Variants in PTH1R observed in about 807,000 individuals in gnomAD.
The protein encoded by PTH1R is parathyroid hormone 1 receptor, also known as parathyroid hormone/parathyroid hormone-related peptide receptor.
A neutral mutation model predicts 70.7 loss-of-function variants in PTH1R; 32 were observed. That is an observed-to-expected ratio of 0.45 (90% CI 0.34 to 0.61). The LOEUF is 0.61. Ranked by LOEUF, PTH1R falls within the 20% of genes least tolerant of loss-of-function variation. The pLI is 0.01. For synonymous variants in PTH1R, 329 were observed against 324.8 expected (o/e 1.01, Z -0.14); for missense variants, 626 against 792.5 (o/e 0.79, Z 2.52).
At chr3:46,895,982 G>C in intron 5 of PTH1R, 113 bp downstream of exon 5, 1 of 1,377,008 alleles carries the variant, frequency 7.3e-7, no homozygotes, top group Non-Finnish European at 1.0e-6. Context: ...AAAGTAAAAG[G>C]CTGCAGCCAC....
At position 46,901,826 on chromosome 3, in the gene PTH1R, A is replaced by C. The variant is rs200623614; in HGVS notation, c.1177A>C (p.Asn393His). ...RVLATKLRET[N>H]AGRCDTRQQY... ...GCTCGCCACCAAGCTGCGGGAGACC[A>C]ACGCCGGCCGGTGTGACACACGGCA... Residue 393 changes from asparagine to histidine, a missense_variant, in exon 13 of 16, where the codon AAC (asparagine) becomes CAC (histidine). Around this residue, in one of 3 missense-constraint regions of PTH1R, gnomAD observed 495 missense variants for 638.7 expected, o/e 0.77. Transcript: ENST00000449590. This position sits in a 1 kb window ranked among gnomAD's most constrained non-coding sequence, Gnocchi z 7.3. 6.2e-7 allele frequency: 1 copy of C among 1,613,996 alleles called. No homozygotes were observed. Among genetic ancestry groups the C allele is most frequent in the East Asian group, 2.2e-5 (1 of 44,870 alleles).
Position 46,897,917 on chromosome 3 carries a change from G to C in PTH1R, c.376G>C (p.Val126Leu). 1 of 1,614,112 alleles carries C rather than the reference G, an allele frequency of 6.2e-7. No homozygotes were observed. The highest frequency in any genetic ancestry group is 8.5e-7 in the Non-Finnish European group (1 of 1,180,038). Reference sequence around the variant, plus strand: ...CTGGCCGCTGGGGGCACCAGGTGAGGTGGTGGCTGTGCCCTGTCCGGACTA... The same window carrying C: ...CTGGCCGCTGGGGGCACCAGGTGAGCTGGTGGCTGTGCCCTGTCCGGACTA... ...LCWPLGAPGE[V>L]VAVPCPDYIY... is the part of the protein sequence containing the mutation. The change falls in exon 6 of 16, where the codon GTG becomes CTG. Residue 126 changes from valine (V) to leucine (L), a missense_variant. By Grantham distance (32) the Val-to-Leu change is conservative (BLOSUM62 1). Coordinates refer to ENST00000449590, the MANE Select transcript of PTH1R (RefSeq NM_000316.3).
Position 46,893,671 on chromosome 3 carries a change from G to A in PTH1R, c.76-236G>A, listed in dbSNP as rs574737050. Among the ~76,000 whole-genome samples the A allele has an allele frequency of 2.6e-5, 4 of 152,298 alleles. No homozygotes were observed. In the South Asian group the frequency reaches 8.3e-4, roughly 32 times the overall value. On this transcript the variant is annotated intron_variant, in intron 3 of 15. Coordinates refer to ENST00000449590, the MANE Select transcript of PTH1R (RefSeq NM_000316.3). The surrounding 1 kb of genome is among the most constrained non-coding windows in gnomAD (Gnocchi z 5.2). ...CAGGGTTACTGGCGGGCAGGCAGGAGAGAGCCCCTGCTTTTTCCCTTCGAT... is the reference window on the plus strand; with the variant it reads ...CAGGGTTACTGGCGGGCAGGCAGGAAAGAGCCCCTGCTTTTTCCCTTCGAT...
rs755019141 is a variant in PTH1R at position 46,902,697 on chromosome 3, G to C, written c.1353+30G>C. ...GCAGTGCTGGCCCGGGCCTGGCTGA[G>C]GGTGGGAGGGGTTCCGGGGGCAGGC... On this transcript the variant is annotated intron_variant, in intron 14 of 15. Transcript: ENST00000449590. This position sits in a 1 kb window ranked among gnomAD's most constrained non-coding sequence, Gnocchi z 5.4. 6.2e-7 allele frequency: 1 copy of C among 1,614,116 alleles called. No homozygotes were observed.
chr3:46,880,539 T>A (rs2030486808), intron 1 of PTH1R, among the ~76,000 whole-genome samples: 1 of 151,966 alleles, frequency 6.6e-6, no homozygotes, highest in Non-Finnish European at 1.5e-5. Context: ...CAGGGGTTCG[T>A]GACCAGCCTG....
At chr3:46,898,586 G>T in intron 8 of PTH1R, 76 bp from the exon 9 acceptor site, 1 of 1,601,740 alleles carries the variant, frequency 6.2e-7, no homozygotes, top group Non-Finnish European at 8.5e-7. Context: ...CCTACCTACG[G>T]CGCACAACCC....
In PTH1R at chr3:46,898,693, A is replaced by G. The variant is rs751763703; in HGVS notation, c.670A>G (p.Met224Val). The change falls in exon 9 of 16, where the codon ATG (methionine) becomes GTG (valine). Residue 224 changes from methionine to valine, a missense_variant. Met to Val is a conservative substitution (Grantham distance 21). Coordinates refer to ENST00000449590, the MANE Select transcript of PTH1R (RefSeq NM_000316.3). ...GCACTGCACGCGCAACTACATCCAC[A>G]TGCACCTGTTCCTGTCCTTCATGCT... The part of the protein sequence containing the change: ...RLHCTRNYIH[M>V]HLFLSFMLRA... 2 of 1,612,382 alleles carry G rather than the reference A, an allele frequency of 1.2e-6. No individual in the cohort carries two copies. The highest frequency in any genetic ancestry group is 1.7e-6 in the Non-Finnish European group (2 of 1,179,738).
In PTH1R at chr3:46,902,551, C is replaced by T. The variant is rs760484939; in HGVS notation, c.1237C>T (p.Leu413Phe). The change falls in exon 14 of 16, where the codon CTC (leucine) becomes TTC (phenylalanine). Residue 413 changes from leucine (L) to phenylalanine (F), a missense_variant. By Grantham distance (22) the Leu-to-Phe change is conservative. Coordinates refer to ENST00000449590, the MANE Select transcript of PTH1R (RefSeq NM_000316.3). The surrounding 1 kb of genome is among the most constrained non-coding windows in gnomAD (Gnocchi z 5.4). ...GAAGCTGCTCAAATCCACGCTGGTG[C>T]TCATGCCCCTCTTTGGCGTCCACTA... ...YRKLLKSTLV[L>F]MPLFGVHYIV... is the part of the protein sequence containing the mutation. The T allele has an allele frequency of 1.2e-6, 2 of 1,612,726 alleles. No homozygotes were observed. The highest frequency in any genetic ancestry group is 3.3e-5 in the Admixed American group (2 of 59,950).
At chr3:46,878,613 CA>C (rs1485823377) in intron 1 of PTH1R, among the ~76,000 whole-genome samples, 1 of 152,174 alleles carries the variant, frequency 6.6e-6, no homozygotes, top group African/African-American at 2.4e-5. Context: ...CTGGTCTGGC[CA>C]AGGGGTTTTC....
intron 3 of PTH1R, among the ~76,000 whole-genome samples, chr3:46,885,687 G>A (rs1258431471): frequency 6.6e-6 from 1 of 152,192 alleles, no homozygotes. Context: ...GAGTTCACTG[G>A]ACACTCCCTG....
chr3:46,902,444 G>A lies in PTH1R; in HGVS notation c.1212-82G>A. 2.6e-6 allele frequency: 4 copies of A among 1,566,836 alleles called. No individual in the cohort carries two copies. The highest frequency in any genetic ancestry group is 3.5e-6 in the Non-Finnish European group (4 of 1,154,904). ...GGGCCCCTTTGAGCTTCCGGAGCCT[G>A]GGGCTCGCAGGGTGGGGGGTGGCAC... On this transcript the variant is annotated intron_variant, in intron 13 of 15. Transcript: ENST00000449590. This position sits in a 1 kb window ranked among gnomAD's most constrained non-coding sequence, Gnocchi z 5.4.
intron 10 of PTH1R, among the ~76,000 whole-genome samples, chr3:46,900,699 T>C (rs1002649112): frequency 2.0e-5 from 3 of 152,086 alleles, no homozygotes; most frequent in African/African-American, 7.2e-5. Flanking sequence ...TCCAAAGCAG[T>C]GCCCTCTGCA....
chr3:46,899,494 G>T, intron 10 of PTH1R, 38 bp downstream of exon 10: 3 of 1,593,612 alleles, frequency 1.9e-6, no homozygotes, highest in Non-Finnish European at 1.7e-6. Flanking sequence ...GCCGGCAGGG[G>T]TGGGACCGTG....
intron 1 of PTH1R, among the ~76,000 whole-genome samples, chr3:46,880,693 C>T (rs1334854239): frequency 6.6e-6 from 1 of 152,144 alleles, no homozygotes; most frequent in South Asian, 2.1e-4. Flanking sequence ...TGCCACTGGA[C>T]TCCAGCCTGG....
At chr3:46,900,395 C>T (rs1477351992) in intron 10 of PTH1R, among the ~76,000 whole-genome samples, 1 of 152,148 alleles carries the variant, frequency 6.6e-6, no homozygotes, top group Non-Finnish European at 1.5e-5. Context: ...CCCTATCCCT[C>T]CAAGGGTGTA....
rs568989577 is a variant in PTH1R at position 46,899,207 on chromosome 3, A to G, written c.835-96A>G. The G allele has an allele frequency of 6.6e-5, 102 of 1,548,534 alleles. 1 individual carries two copies. Among genetic ancestry groups the G allele is most frequent in the Non-Finnish European group, 8.6e-5 (97 of 1,131,588 alleles). On this transcript the variant is annotated intron_variant, in intron 9 of 15. Transcript: ENST00000449590. ...CCCCTTCCTGGCCTGTTTGGCCGGC[A>G]CCACTTGTCCTCTCCTGCCGCCCCA... is the stretch of plus-strand genomic sequence containing the variant.
intron 3 of PTH1R, among the ~76,000 whole-genome samples, chr3:46,885,044 C>T (rs755618681): frequency 1.3e-5 from 2 of 152,264 alleles, no homozygotes; most frequent in Middle Eastern, 3.4e-3. Context: ...CAAGTACTGA[C>T]GAATGCCAGG....
rs750338601 is a variant in PTH1R at position 46,879,295 on chromosome 3, G to C, written c.-106+1452G>C. 1.1e-4 allele frequency among the ~76,000 whole-genome samples: 17 copies of C among 152,140 alleles called. No individual in the cohort carries two copies. The highest frequency in any genetic ancestry group is 2.2e-4 in the Non-Finnish European group (15 of 68,024). On this transcript the variant is annotated intron_variant, in intron 1 of 15. Coordinates refer to ENST00000449590, the MANE Select transcript of PTH1R (RefSeq NM_000316.3). This position sits in a 1 kb window ranked among gnomAD's most constrained non-coding sequence, Gnocchi z 4.7. ...TGTTTCCAAATCTCAAGTTTTCCCT[G>C]GTGTCAGATCTGAAAAGAACTCCTC...
At chr3:46,895,710 A>G in intron 4 of PTH1R, 25 bp from the exon 5 acceptor site, 4 of 1,614,024 alleles carry the variant, frequency 2.5e-6, no homozygotes, top group Non-Finnish European at 3.4e-6. Flanking sequence ...GCTGACAGCC[A>G]TCATTACCAC....
Sources: allele counts gnomAD v4.1 joint callset (sites outside exome capture counted in the v4.1 genomes callset), GRCh38; gene constraint gnomAD v4.1.1; regional missense constraint gnomAD v4.1.1; non-coding constraint Gnocchi (gnomAD v3.1); transcripts MANE v1.5; gene names NCBI Gene and HGNC (gene_info 2026-07-23, HGNC 2026-07-21).